The following TPTE2 variants were observed in gnomAD, a reference collection of about 807,000 sequenced individuals.
The protein encoded by TPTE2 is phosphatidylinositol 3,4,5-trisphosphate 3-phosphatase TPTE2.
In TPTE2, 53 loss-of-function variants were observed where a neutral mutation model predicts 78.6. That is an observed-to-expected ratio of 0.67 (90% CI 0.54 to 0.85). The LOEUF (loss-of-function observed/expected upper bound fraction) is 0.85. Among genes scored for constraint, TPTE2 ranks in the 40% least tolerant of loss-of-function variants. TPTE2 has a pLI of 0.00. For synonymous variants in TPTE2, 175 were observed against 206.2 expected (o/e 0.85, Z 1.30); for missense variants, 461 against 623.0 (o/e 0.74, Z 2.77).
At chr13:19,436,637 A>G (rs1038081156) in intron 14 of TPTE2, among the ~76,000 whole-genome samples, 1 of 151,806 alleles carries the variant, frequency 6.6e-6, no homozygotes, top group Non-Finnish European at 1.5e-5. Flanking sequence ...CTGCTCTCAA[A>G]CTCCTGACCT....
chr13:19,475,348 C>A (rs1034923843), intron 5 of TPTE2, among the ~76,000 whole-genome samples: 1 of 152,036 alleles, frequency 6.6e-6, no homozygotes, highest in Non-Finnish European at 1.5e-5. Flanking sequence ...GCCTCAGCCT[C>A]CTGAGTAGCT....
At chr13:19,498,636 C>G (rs964198748) in intron 1 of TPTE2, among the ~76,000 whole-genome samples, 4 of 151,836 alleles carry the variant, frequency 2.6e-5, no homozygotes, top group African/African-American at 9.7e-5. Context: ...CCTAAAAGAG[C>G]TCCTGAAGGA....
chr13:19,556,426 A>G, the TPTE2 span, among the ~76,000 whole-genome samples: 1 of 152,212 alleles, frequency 6.6e-6, no homozygotes, highest in Non-Finnish European at 1.5e-5. Context: ...CCCTAATGGT[A>G]TATTAAATAG....
chr13:19,531,354 G>A (rs191866529), intron 1 of TPTE2, among the ~76,000 whole-genome samples: 23 of 150,666 alleles, frequency 1.5e-4, no homozygotes, highest in Middle Eastern at 6.9e-3. Flanking sequence ...AAGTTTCCTC[G>A]TATTAATACT....
chr13:19,553,517 C>T, the TPTE2 span, among the ~76,000 whole-genome samples: 1 of 152,002 alleles, frequency 6.6e-6, no homozygotes, highest in Non-Finnish European at 1.5e-5. Flanking sequence ...TTTGTAATAG[C>T]CAAATGTGGG....
chr13:19,480,742 T>C (rs1483945125), intron 4 of TPTE2, among the ~76,000 whole-genome samples: 2 of 152,134 alleles, frequency 1.3e-5, no homozygotes, highest in Admixed American at 1.3e-4. Flanking sequence ...TAGTGTTAAG[T>C]GTGGGGGGGA....
At chr13:19,492,284 G>A (rs143066185) in intron 3 of TPTE2, among the ~76,000 whole-genome samples, 1 of 152,120 alleles carries the variant, frequency 6.6e-6, no homozygotes, top group East Asian at 1.9e-4. Context: ...TTGGGTCTAG[G>A]CACCAACCTC....
At chr13:19,491,302 C>T (rs1880974577) in intron 3 of TPTE2, among the ~76,000 whole-genome samples, 1 of 152,114 alleles carries the variant, frequency 6.6e-6, no homozygotes, top group Non-Finnish European at 1.5e-5. Context: ...GGTACATAGA[C>T]ATATAATGAA....
At chr13:19,520,516 TAGCTA>T (rs995676561) in intron 1 of TPTE2, among the ~76,000 whole-genome samples, 5 of 151,936 alleles carry the variant, frequency 3.3e-5, no homozygotes, top group African/African-American at 9.7e-5. Flanking sequence ...TTGATCAGGC[TAGCTA>T]AGCTATCAAT....
exon 9 of TPTE2, chr13:19,465,284 C>T (rs1212197931): frequency 1.2e-6 from 2 of 1,613,748 alleles, no homozygotes; most frequent in Non-Finnish European, 1.7e-6. Flanking sequence ...TAGGTCAAAT[C>T]CATCCCTTGT....
chr13:19,480,667 A>T (rs1385323087), intron 4 of TPTE2, among the ~76,000 whole-genome samples: 3 of 152,214 alleles, frequency 2.0e-5, no homozygotes, highest in Non-Finnish European at 4.4e-5. Context: ...GGATAAATGA[A>T]GGTGTGTCAA....
chr13:19,553,809 G>C, the TPTE2 span, among the ~76,000 whole-genome samples: 12 of 152,274 alleles, frequency 7.9e-5, no homozygotes, highest in East Asian at 2.3e-3. Flanking sequence ...GTATTGCAAG[G>C]ACACAAGGAA....
intron 3 of TPTE2, among the ~76,000 whole-genome samples, chr13:19,488,387 T>A (rs1326357007): frequency 1.3e-5 from 2 of 152,366 alleles, no homozygotes; most frequent in East Asian, 3.9e-4. Context: ...CCTCTCTAAA[T>A]ATAAAAGTCC....
At chr13:19,462,156 C>T (rs1019868351) in intron 10 of TPTE2, among the ~76,000 whole-genome samples, 6 of 151,154 alleles carry the variant, frequency 4.0e-5, no homozygotes, top group Non-Finnish European at 8.8e-5. Context: ...AGTTTGATTC[C>T]TTTCTCTTTC....
intron 13 of TPTE2, among the ~76,000 whole-genome samples, chr13:19,440,045 C>G (rs569706577): frequency 2.6e-5 from 4 of 152,230 alleles, no homozygotes; most frequent in African/African-American, 9.6e-5. Flanking sequence ...TGGAATAATT[C>G]GAGAAAATTT....
chr13:19,459,023 T>C (rs1878718679), intron 10 of TPTE2, among the ~76,000 whole-genome samples: 1 of 151,832 alleles, frequency 6.6e-6, no homozygotes, highest in Non-Finnish European at 1.5e-5. Flanking sequence ...TCGAACTAAT[T>C]TACACACCCA....
chr13:19,460,752 T>C (rs1302956253), intron 10 of TPTE2, among the ~76,000 whole-genome samples: 1 of 152,162 alleles, frequency 6.6e-6, no homozygotes, highest in East Asian at 1.9e-4. Context: ...CAGCCCTTGA[T>C]AGTTATATTT....
At chr13:19,462,770 C>G (rs1426042028) in intron 10 of TPTE2, among the ~76,000 whole-genome samples, 1 of 152,052 alleles carries the variant, frequency 6.6e-6, no homozygotes, top group East Asian at 1.9e-4. Flanking sequence ...GCCTTGAACT[C>G]CTGGCCTCAA....
intron 3 of TPTE2, among the ~76,000 whole-genome samples, chr13:19,483,815 C>G (rs572114261): frequency 6.6e-6 from 1 of 152,084 alleles, no homozygotes; most frequent in African/African-American, 2.4e-5. Context: ...TTCTAGGGTA[C>G]ATGTGCACAA....
Sources: allele counts gnomAD v4.1 joint callset (sites outside exome capture counted in the v4.1 genomes callset), GRCh38; gene constraint gnomAD v4.1.1; transcripts MANE v1.5; gene names NCBI Gene and HGNC (gene_info 2026-07-23, HGNC 2026-07-21).